RALGPS2: variants seen among roughly 807,000 people sequenced by gnomAD.
The protein encoded by RALGPS2 is Ral GEF with PH domain and SH3 binding motif 2.
In RALGPS2, 43 loss-of-function variants were observed where a neutral mutation model predicts 86.8. The ratio of observed to expected loss-of-function variants is 0.50; its 90% confidence interval spans 0.39 to 0.64. RALGPS2 has a LOEUF of 0.64. RALGPS2 is among the 30% of genes least tolerant of loss of function. The pLI, the probability that RALGPS2 is intolerant of heterozygous loss-of-function variation, is 0.00. For synonymous variants in RALGPS2, 243 were observed against 231.3 expected (o/e 1.05, Z -0.46); for missense variants, 536 against 694.6 (o/e 0.77, Z 2.57).
chr1:178,887,532 A>G (rs1343519032), intron 13 of RALGPS2, among the ~76,000 whole-genome samples: 1 of 152,216 alleles, frequency 6.6e-6, no homozygotes, highest in African/African-American at 2.4e-5. Context: ...GTCTTCATCT[A>G]TGATTAACTA....
chr1:178,899,871 G>A (rs1338367880), intron 17 of RALGPS2, among the ~76,000 whole-genome samples: 1 of 151,562 alleles, frequency 6.6e-6, no homozygotes, highest in East Asian at 1.9e-4. Flanking sequence ...GAGTTATATT[G>A]GGGAAAAAAT....
intron 1 of RALGPS2, among the ~76,000 whole-genome samples, chr1:178,767,462 G>A (rs1318963569): frequency 1.4e-5 from 2 of 146,680 alleles, no homozygotes; most frequent in East Asian, 2.0e-4. Flanking sequence ...AGTCTAGTCT[G>A]CTCTTGGGTT....
intron 1 of RALGPS2, among the ~76,000 whole-genome samples, chr1:178,735,144 T>C (rs1352717091): frequency 1.3e-5 from 2 of 152,164 alleles, no homozygotes; most frequent in Admixed American, 6.6e-5. Context: ...CCTTATAGTA[T>C]AACACTGTAC....
chr1:178,892,080 AAAAG>A, intron 14 of RALGPS2, 146 bp from the exon 15 acceptor site: 1 of 779,818 alleles, frequency 1.3e-6, no homozygotes, highest in Non-Finnish European at 1.9e-6. Context: ...CATGCTTTAA[AAAAG>A]AAAGAGGAAC....
At chr1:178,883,104 T>C (rs1229264025) in intron 10 of RALGPS2, among the ~76,000 whole-genome samples, 2 of 152,178 alleles carry the variant, frequency 1.3e-5, no homozygotes, top group African/African-American at 2.4e-5. Context: ...AATACAACTT[T>C]TTAATGTATT....
chr1:178,812,774 T>C (rs1281086387), intron 6 of RALGPS2, among the ~76,000 whole-genome samples: 2 of 152,176 alleles, frequency 1.3e-5, no homozygotes, highest in Non-Finnish European at 2.9e-5. Context: ...TTAAAAGTCA[T>C]AACTCTTTCC....
intron 6 of RALGPS2, among the ~76,000 whole-genome samples, chr1:178,813,002 G>A (rs181259830): frequency 3.7e-4 from 55 of 147,498 alleles, no homozygotes; most frequent in African/African-American, 1.2e-3. Context: ...GTGCGATCTC[G>A]GCTCACTGCA....
intron 1 of RALGPS2, among the ~76,000 whole-genome samples, chr1:178,744,830 A>AG (rs1651225822): frequency 6.6e-6 from 1 of 151,726 alleles, no homozygotes; most frequent in Admixed American, 6.6e-5. Context: ...AAAAAAAAAA[A>AG]AAAAAAAGAA....
intron 4 of RALGPS2, among the ~76,000 whole-genome samples, chr1:178,799,701 T>A (rs181469522): frequency 4.6e-4 from 70 of 152,300 alleles, no homozygotes; most frequent in African/African-American, 1.3e-3. Context: ...TTCTGAGCAA[T>A]GCGCCTGGCC....
intron 1 of RALGPS2, among the ~76,000 whole-genome samples, chr1:178,728,945 G>A (rs1343518788): frequency 2.0e-5 from 3 of 152,180 alleles, no homozygotes; most frequent in African/African-American, 7.2e-5. Context: ...GCTAGTTAGG[G>A]ATATGGGAAG....
rs551254695 is a variant in RALGPS2, at chr1:178,795,018, A to G, written c.213+9411A>G. Reference sequence around the variant, plus strand: ...AACATGGAAAAACCCCATCTCTACTAAAAATACAAAAATTAGCCAAGCATG... The same window carrying G: ...AACATGGAAAAACCCCATCTCTACTGAAAATACAAAAATTAGCCAAGCATG... On this transcript the variant is annotated intron_variant, in intron 4 of 19. Transcript: ENST00000367635. Among the ~76,000 whole-genome samples, 194 of 152,180 alleles carry G rather than the reference A, an allele frequency of 1.3e-3. 2 individuals are homozygous for G. The highest frequency in any genetic ancestry group is 4.3e-3 in the African/African-American group (178 of 41,538).
At chr1:178,885,247 G>A in intron 12 of RALGPS2, 36 bp downstream of exon 12, 1 of 1,575,056 alleles carries the variant, frequency 6.3e-7, no homozygotes, top group South Asian at 1.2e-5. Flanking sequence ...AAATTTTTAA[G>A]TCTTTTGTAA....
At chr1:178,758,183 TTATC>T (rs1260924171) in intron 1 of RALGPS2, among the ~76,000 whole-genome samples, 3 of 152,140 alleles carry the variant, frequency 2.0e-5, no homozygotes, top group East Asian at 1.9e-4. Flanking sequence ...TCTTCTTAGT[TTATC>T]TATCTGGTGG....
intron 8 of RALGPS2, among the ~76,000 whole-genome samples, chr1:178,873,723 G>T (rs1343177358): frequency 6.6e-6 from 1 of 152,152 alleles, no homozygotes; most frequent in Admixed American, 6.6e-5. Flanking sequence ...TAAAATGGAT[G>T]AGTTACAATT....
chr1:178,732,851 T>C (rs1650476204), intron 1 of RALGPS2, among the ~76,000 whole-genome samples: 3 of 152,182 alleles, frequency 2.0e-5, no homozygotes, highest in Non-Finnish European at 4.4e-5. Flanking sequence ...GATTATCTCC[T>C]GTTGAACCAT....
At chr1:178,835,942 G>T (rs1179847829) in intron 8 of RALGPS2, among the ~76,000 whole-genome samples, 1 of 152,158 alleles carries the variant, frequency 6.6e-6, no homozygotes, top group Non-Finnish European at 1.5e-5. Flanking sequence ...TTCTAGAAAA[G>T]AAAATTAAGA....
At chr1:178,804,517 A>T (rs1654642912) in intron 4 of RALGPS2, among the ~76,000 whole-genome samples, 1 of 138,560 alleles carries the variant, frequency 7.2e-6, no homozygotes, top group South Asian at 2.4e-4. Flanking sequence ...TATGAGTGAG[A>T]ATATGCGGTG....
chr1:178,809,725 G>A (rs577544184), intron 5 of RALGPS2, among the ~76,000 whole-genome samples: 5 of 152,014 alleles, frequency 3.3e-5, no homozygotes, highest in South Asian at 4.2e-4. Context: ...TTGGGGTCTC[G>A]GGGTGGCTGG....
chr1:178,799,355 G>T (rs758031204), intron 4 of RALGPS2, among the ~76,000 whole-genome samples: 17 of 151,482 alleles, frequency 1.1e-4, no homozygotes, highest in Non-Finnish European at 1.9e-4. Flanking sequence ...TAATACAGAT[G>T]AAAGTGTCCT....
Sources: allele counts gnomAD v4.1 joint callset (sites outside exome capture counted in the v4.1 genomes callset), GRCh38; gene constraint gnomAD v4.1.1; transcripts MANE v1.5; gene names NCBI Gene and HGNC (gene_info 2026-07-23, HGNC 2026-07-21).